Variants in MEAK7 observed in about 807,000 individuals in gnomAD.
MEAK7 encodes the protein MTOR associated protein MEAK7, also known as MTOR-associated protein MEAK7.
In MEAK7, 68 loss-of-function variants were observed where a neutral mutation model predicts 40.5. The ratio of observed to expected loss-of-function variants is 1.68; its 90% CI spans 1.38 to 2.06. The LOEUF (loss-of-function observed/expected upper bound fraction) is 2.06, where lower values mean the gene tolerates loss of function less well. MEAK7 is among the 30% of genes most tolerant of loss of function. MEAK7 has a pLI of 0.00. For missense variants in MEAK7, 918 were observed against 580.5 expected (o/e 1.58, Z -5.98); for synonymous variants, 338 against 231.9 (o/e 1.46, Z -4.16).
intron 1 of MEAK7, among the ~76,000 whole-genome samples, chr16:84,498,322 G>T (rs1196778650): frequency 1.3e-5 from 2 of 152,158 alleles, no homozygotes; most frequent in African/African-American, 4.8e-5. Context: ...AGGCTGGAGT[G>T]CAGTGGTGCC....
At chr16:84,489,780 T>C (rs1225279229) in intron 3 of MEAK7, among the ~76,000 whole-genome samples, 1 of 152,136 alleles carries the variant, frequency 6.6e-6, no homozygotes, top group African/African-American at 2.4e-5. Context: ...TCCCCAAATT[T>C]GGTTGAGATC....
chr16:84,497,669 A>G (rs1357067421), intron 2 of MEAK7: 4 of 1,456,918 alleles, frequency 2.7e-6, no homozygotes, highest in Non-Finnish European at 3.6e-6. Context: ...ATAAGAGACT[A>G]TTGATTTCAA....
Position 84,486,683 on chromosome 16 carries a change from A to T in MEAK7, c.906T>A (p.His302Gln), listed in dbSNP as rs1913088328. 4 of 1,613,768 alleles carry T rather than the reference A, an allele frequency of 2.5e-6. No homozygotes were observed. Among genetic ancestry groups the T allele is most frequent in the Non-Finnish European group, 2.5e-6 (3 of 1,179,968 alleles). Residue 302 changes from histidine (H) to glutamine (Q), a missense_variant, in exon 5 of 8, where the codon CAT becomes CAA. Coordinates refer to ENST00000343629, the MANE Select transcript of MEAK7 (RefSeq NM_020947.4). ...AGCAAGAGGCAAACCCACCGAACAC[A>T]TGCTTGTCATGGTCCTCGAGGACAG... ...CVAVLEDHDKHVFGGFASCSW... is the reference protein window; with the variant it reads ...CVAVLEDHDKQVFGGFASCSW...
intron 5 of MEAK7, chr16:84,486,334 G>A (rs1216185516): frequency 4.5e-6 from 3 of 663,592 alleles, no homozygotes; most frequent in Non-Finnish European, 6.2e-6. Context: ...ACCATCTCCT[G>A]GTCCCCTCGG....
chr16:84,490,963 C>T (rs1228971756), intron 3 of MEAK7, among the ~76,000 whole-genome samples: 1 of 93,894 alleles, frequency 1.1e-5, no homozygotes, highest in Non-Finnish European at 2.5e-5. Context: ...AGACCAGTTC[C>T]TCTCAGCTCT....
intron 3 of MEAK7, among the ~76,000 whole-genome samples, chr16:84,491,538 TAAAA>T (rs57708607): frequency 2.4e-5 from 3 of 122,854 alleles, no homozygotes; most frequent in Non-Finnish European, 3.3e-5. Flanking sequence ...GACCCTGTCT[TAAAA>T]AAAAAAAAAA....
At position 84,495,868 on chromosome 16, in the gene MEAK7, A is replaced by G. The variant is rs780864460; in HGVS notation, c.199T>C (p.Tyr67His). The change falls in exon 3 of 8, where the codon TAT (tyrosine) becomes CAT (histidine). Residue 67 changes from tyrosine to histidine, a missense_variant. Physicochemically the swap from Tyr to His is moderately conservative, Grantham distance 83. Coordinates refer to ENST00000343629, the MANE Select transcript of MEAK7 (RefSeq NM_020947.4). ...ALPPEMVTRL[Y>H]DGMRRVDLTG... ...AGGTCGACCCTCCGCATGCCATCAT[A>G]CAGCCTGGTGACCATCTCTGGGGGA... The G allele has an allele frequency of 2.5e-6, 4 of 1,614,046 alleles. No homozygotes were observed. Among genetic ancestry groups the G allele is most frequent in the Non-Finnish European group, 3.4e-6 (4 of 1,180,024 alleles).
rs543319850 is a variant in MEAK7 at position 84,482,469 on chromosome 16, T to C, written c.1077+123A>G. ...CCCTGGAAACAGAAGGAACTGGACA[T>C]GGCGTGCGTGAGGAACTGAATGCCA... On this transcript the variant is annotated intron_variant, in intron 6 of 7. Coordinates refer to ENST00000343629, the MANE Select transcript of MEAK7 (RefSeq NM_020947.4). 6.3e-5 allele frequency: 94 copies of C among 1,489,182 alleles called. No individual in the cohort carries two copies. In the Middle Eastern group the frequency reaches 2.1e-3, roughly 33 times the overall value. The allele number at this position is 1,489,182 out of a possible 1,614,324, so 92.2% of individuals were successfully genotyped here.
intron 1 of MEAK7, among the ~76,000 whole-genome samples, chr16:84,501,618 C>T (rs1411825874): frequency 1.3e-5 from 2 of 152,130 alleles, no homozygotes. Flanking sequence ...GGCTTGGACG[C>T]AGAGCCAGGC....
In MEAK7 at chr16:84,482,582, C is replaced by T. The variant is rs1912661311; in HGVS notation, c.1077+10G>A. 1.2e-6 allele frequency: 2 copies of T among 1,614,066 alleles called. No individual in the cohort carries two copies. The highest frequency in any genetic ancestry group is 1.3e-5 in the African/African-American group (1 of 75,052). ...CCAAGGCAAGACCACCACGCTCTGC[C>T]CGGGCTCACCAGTCCGTTCGGGATC... On this transcript the variant is annotated intron_variant, in intron 6 of 7. Transcript: ENST00000343629.
rs1253110908 is a variant in MEAK7, at chr16:84,478,308, CCACACA to C, written c.*1599_*1604del. On this transcript the variant is annotated 3_prime_UTR_variant, in exon 8 of 8. Coordinates refer to ENST00000343629, the MANE Select transcript of MEAK7 (RefSeq NM_020947.4). ...TTGTCTGCATCACGCTCCTGCCCCT[CCACACA>C]CTGTCTGAGCGTGCACTTTTCTTTC... The C allele has an allele frequency of 6.6e-6, 1 of 152,188 alleles. No individual in the cohort carries two copies. Among genetic ancestry groups the C allele is most frequent in the Non-Finnish European group, 1.5e-5 (1 of 68,046 alleles). The allele number at this position is 152,188 out of a possible 1,614,324, so 9.4% of individuals were successfully genotyped here. A position where few individuals can be genotyped will look rare whatever the true frequency, so the allele number is the denominator to read the frequency against.
At chr16:84,487,087 TG>T (rs1913155424) in intron 4 of MEAK7, 28 bp from the exon 5 acceptor site, 1 of 1,587,400 alleles carries the variant, frequency 6.3e-7, no homozygotes, top group Non-Finnish European at 8.6e-7. Flanking sequence ...TCAGCATTAG[TG>T]GGGCTGTTAT....
chr16:84,503,362 G>A (rs1273281744), intron 1 of MEAK7, among the ~76,000 whole-genome samples: 3 of 152,124 alleles, frequency 2.0e-5, no homozygotes, highest in African/African-American at 7.2e-5. Flanking sequence ...TGCTAGGTAA[G>A]CTTACCCAGA....
At chr16:84,497,169 C>A (rs988635754) in intron 2 of MEAK7, 4 of 305,506 alleles carry the variant, frequency 1.3e-5, no homozygotes, top group African/African-American at 8.7e-5. Context: ...TGCTCCCATG[C>A]TGCACATTCT....
At chr16:84,496,403 T>C (rs1418083846) in intron 2 of MEAK7, among the ~76,000 whole-genome samples, 1 of 152,184 alleles carries the variant, frequency 6.6e-6, no homozygotes, top group Admixed American at 6.5e-5. Flanking sequence ...CCTCTTCTTT[T>C]GGCTTTGGAG....
chr16:84,497,538 G>T lies in MEAK7; in HGVS notation c.153+396C>A, dbSNP rs1273691754. 5.4e-6 allele frequency: 7 copies of T among 1,291,988 alleles called. No homozygotes were observed. In the South Asian group the frequency reaches 8.6e-5, roughly 16 times the overall value. 80.0% of individuals were successfully genotyped at this position (1,291,988 alleles called of 1,614,324 possible). On this transcript the variant is annotated intron_variant, in intron 2 of 7. Coordinates refer to ENST00000343629, the MANE Select transcript of MEAK7 (RefSeq NM_020947.4). ...CTGGGAGGGCAGTCAGGAGGGACGT[G>T]GTTCAAGAGACACACGAGGCAGGCT...
At chr16:84,499,012 G>A (rs139497627) in intron 1 of MEAK7, among the ~76,000 whole-genome samples, 8 of 152,300 alleles carry the variant, frequency 5.3e-5, no homozygotes, top group African/African-American at 1.7e-4. Flanking sequence ...TATCAACCAA[G>A]TCAACCAAAG....
intron 3 of MEAK7, chr16:84,494,861 ACTC>A (rs1283721177): frequency 2.2e-6 from 1 of 449,754 alleles, no homozygotes; most frequent in East Asian, 6.9e-5. Flanking sequence ...AAAAATAAAA[ACTC>A]AGGACTCCAA....
At chr16:84,503,407 C>T (rs394306) in intron 1 of MEAK7, among the ~76,000 whole-genome samples, 146,766 of 152,118 alleles carry the variant, frequency 0.96, 71,063 homozygotes, top group East Asian at 1. Flanking sequence ...CCTCAGTCAT[C>T]TTCCATCCAC....
Sources: allele counts gnomAD v4.1 joint callset (sites outside exome capture counted in the v4.1 genomes callset), GRCh38; gene constraint gnomAD v4.1.1; transcripts MANE v1.5; gene names NCBI Gene and HGNC (gene_info 2026-07-23, HGNC 2026-07-21).